NRF1: variants seen among roughly 807,000 people sequenced by gnomAD.
NRF1 encodes alpha palindromic-binding protein.
Under a neutral mutation model 58.5 loss-of-function variants are expected in NRF1, and 5 were observed. That is an observed-to-expected ratio of 0.09 (90% CI 0.04 to 0.18). The LOEUF is 0.18. Among genes scored for constraint, NRF1 ranks in the 10% least tolerant of loss-of-function variants. NRF1 has a pLI of 1.00. For missense variants in NRF1, 288 were observed against 657.7 expected, an observed-to-expected ratio of 0.44 and a Z score of 6.15; for synonymous variants, 224 against 246.7, an observed-to-expected ratio of 0.91 and a Z score of 0.86.
intron 10 of NRF1, among the ~76,000 whole-genome samples, chr7:129,739,211 A>G (rs780509728): frequency 6.6e-6 from 1 of 152,246 alleles, no homozygotes; most frequent in African/African-American, 2.4e-5. Flanking sequence ...AAAATGTAAA[A>G]GGTAGTTATT....
chr7:129,653,955 G>C (rs910366763), intron 1 of NRF1, among the ~76,000 whole-genome samples: 1 of 152,200 alleles, frequency 6.6e-6, no homozygotes, highest in African/African-American at 2.4e-5. Context: ...TTTTTATGTG[G>C]ATGTAAGTTT....
chr7:129,682,410 A>G (rs1395437334), intron 4 of NRF1, among the ~76,000 whole-genome samples: 3 of 151,548 alleles, frequency 2.0e-5, no homozygotes, highest in Non-Finnish European at 2.9e-5. Context: ...GTGAGCTGTG[A>G]TTGCACCACT....
At chr7:129,691,361 A>AT (rs752895743) in intron 5 of NRF1, among the ~76,000 whole-genome samples, 21,153 of 89,466 alleles carry the variant, frequency 0.24, 1,736 homozygotes, top group Non-Finnish European at 0.27. Context: ...TATTATTATT[A>AT]TTATTTTTTT....
chr7:129,639,222 G>A (rs962807667), intron 1 of NRF1, among the ~76,000 whole-genome samples: 18 of 151,836 alleles, frequency 1.2e-4, no homozygotes, highest in Non-Finnish European at 2.1e-4. Context: ...ACCATGCCTG[G>A]CTAATTATTG....
chr7:129,626,336 T>C (rs1337950630), intron 1 of NRF1, among the ~76,000 whole-genome samples: 1 of 152,196 alleles, frequency 6.6e-6, no homozygotes, highest in Non-Finnish European at 1.5e-5. Context: ...AAGTACAGGC[T>C]GCAGTGGCTC....
rs946858724 is a variant in NRF1, at chr7:129,625,186, C to T, written c.-7+13362C>T. Among the ~76,000 whole-genome samples the T allele has an allele frequency of 2.6e-5, 4 of 152,234 alleles. No individual in the cohort carries two copies. The East Asian group carries it at 7.7e-4, about 29-fold the overall frequency. ...GTTTCTGCCTCCATGGTCTCATTGT[C>T]TCCTCTCCGTGTAATCTCTATCTGC... On this transcript the variant is annotated intron_variant, in intron 1 of 10. Transcript: ENST00000393232.
intron 3 of NRF1, among the ~76,000 whole-genome samples, chr7:129,675,145 A>G (rs1802147463): frequency 6.6e-6 from 1 of 152,188 alleles, no homozygotes; most frequent in Non-Finnish European, 1.5e-5. Context: ...TTCTTTGCTC[A>G]TCAATAAGAA....
At position 129,745,151 on chromosome 7, in the gene NRF1, C is replaced by G. The variant is rs1803942962; in HGVS notation, c.1349-9867C>G. 1.3e-5 allele frequency among the ~76,000 whole-genome samples: 2 copies of G among 152,214 alleles called. 1 individual carries two copies. On this transcript the variant is annotated intron_variant, in intron 10 of 10. Coordinates refer to ENST00000393232, the MANE Select transcript of NRF1 (RefSeq NM_005011.5). ...ACTTTCTTCTTCTGAGGTTTGTCAT[C>G]TGGGCTCCACTTTCCATTTTAAAAT...
intron 9 of NRF1, among the ~76,000 whole-genome samples, chr7:129,720,120 G>A (rs1163695143): frequency 1.3e-5 from 2 of 152,206 alleles, no homozygotes; most frequent in African/African-American, 4.8e-5. Flanking sequence ...CTGTGGCATA[G>A]AGGAGGAATA....
At chr7:129,617,456 A>G (rs1033967413) in intron 1 of NRF1, among the ~76,000 whole-genome samples, 2 of 152,166 alleles carry the variant, frequency 1.3e-5, no homozygotes, top group African/African-American at 4.8e-5. Context: ...TTCTTGTTTT[A>G]TGTTCAAAGG....
At position 129,717,270 on chromosome 7, in the gene NRF1, A is replaced by G; in HGVS notation, c.1117A>G (p.Thr373Ala). 2 of 1,613,918 alleles carry G rather than the reference A, an allele frequency of 1.2e-6. No individual in the cohort carries two copies. The highest frequency in any genetic ancestry group is 1.7e-6 in the Non-Finnish European group (2 of 1,179,912). The change falls in exon 9 of 11, where the codon ACG becomes GCG. Residue 373 changes from threonine (T) to alanine (A), a missense_variant. Physicochemically the swap from Thr to Ala is moderately conservative, Grantham distance 58. Transcript: ENST00000393232. ...GGGAGGTGAGATGACCATCCAGACG[A>G]CGCAAGCATCAGAGGCCACCCAGGC... The part of the protein sequence containing the change: ...LQGGEMTIQT[T>A]QASEATQAVA...
In NRF1 at chr7:129,756,654, C is replaced by T. The variant is rs1431172066; in HGVS notation, c.*1473C>T. On this transcript the variant is annotated 3_prime_UTR_variant, in exon 11 of 11. Coordinates refer to ENST00000393232, the MANE Select transcript of NRF1 (RefSeq NM_005011.5). Reference sequence around the variant, plus strand: ...CTCCTCCTCCCTCCTCCCAGCTCTCCCCATGTGTGTGATGGTGTATTTAAT... The same window carrying T: ...CTCCTCCTCCCTCCTCCCAGCTCTCTCCATGTGTGTGATGGTGTATTTAAT... 1 of 152,640 alleles carries T rather than the reference C, an allele frequency of 6.6e-6. No homozygotes were observed. Among genetic ancestry groups the T allele is most frequent in the Admixed American group, 6.5e-5 (1 of 15,280 alleles). 9.5% of individuals were successfully genotyped at this position (152,640 alleles called of 1,614,324 possible).
At chr7:129,634,061 T>TATATATAC (rs764569771) in intron 1 of NRF1, among the ~76,000 whole-genome samples, 1 of 131,460 alleles carries the variant, frequency 7.6e-6, no homozygotes, top group African/African-American at 2.9e-5. Flanking sequence ...TATATATATA[T>TATATATAC]ACACACACAC....
chr7:129,648,719 T>A (rs1340922709), intron 1 of NRF1, among the ~76,000 whole-genome samples: 4 of 152,194 alleles, frequency 2.6e-5, no homozygotes, highest in Non-Finnish European at 4.4e-5. Context: ...AAGGATAGGA[T>A]ATTAATACTC....
intron 10 of NRF1, among the ~76,000 whole-genome samples, chr7:129,742,640 A>G (rs955006474): frequency 1.1e-4 from 17 of 152,352 alleles, no homozygotes; most frequent in Admixed American, 2.6e-4. Context: ...CCAGAAATCT[A>G]TATTTTAGGT....
In NRF1 at chr7:129,710,490, A is replaced by T. The variant is rs1803048689; in HGVS notation, c.882A>T (p.Thr294=). The T allele has an allele frequency of 1.2e-5, 19 of 1,610,842 alleles. No individual in the cohort carries two copies. The highest frequency in any genetic ancestry group is 1.5e-5 in the Non-Finnish European group (18 of 1,176,962). The change falls in exon 7 of 11, where the codon ACA becomes ACT. Residue 294 remains threonine, a synonymous_variant. Coordinates refer to ENST00000393232, the MANE Select transcript of NRF1 (RefSeq NM_005011.5). ...AAACGCAAACACAGGCCACAGCCAC[A>T]CATAGTATAGCTCATCTTGTACCAT... ...DQQTQTQATA[T]HSIAHLVPSQ...
chr7:129,755,241 A>G lies in NRF1; in HGVS notation c.*60A>G, dbSNP rs1169908885. ...ACTTCAAAATTTTTTACACGTTTGCAGAGGTGCAATCAAATGGAATTAAGT... is the reference window on the plus strand; with the variant it reads ...ACTTCAAAATTTTTTACACGTTTGCGGAGGTGCAATCAAATGGAATTAAGT... On this transcript the variant is annotated 3_prime_UTR_variant, in exon 11 of 11. Transcript: ENST00000393232. This position sits in a 1 kb window ranked among gnomAD's most constrained non-coding sequence, Gnocchi z 5.8. 19 of 1,405,476 alleles carry G rather than the reference A, an allele frequency of 1.4e-5. No homozygotes were observed. Among genetic ancestry groups the G allele is most frequent in the Non-Finnish European group, 1.6e-5 (17 of 1,054,300 alleles). 87.1% of individuals were successfully genotyped at this position (1,405,476 alleles called of 1,614,324 possible).
chr7:129,684,122 G>A (rs1802391061), intron 4 of NRF1, among the ~76,000 whole-genome samples: 1 of 151,968 alleles, frequency 6.6e-6, no homozygotes, highest in Admixed American at 6.6e-5. Flanking sequence ...GGTAGAAAGA[G>A]AATAATAAAA....
intron 1 of NRF1, among the ~76,000 whole-genome samples, chr7:129,640,459 A>T (rs929208637): frequency 1.3e-5 from 2 of 152,102 alleles, no homozygotes; most frequent in Non-Finnish European, 2.9e-5. Context: ...GCAGTGAGCC[A>T]TGATTGCACC....
Sources: gnomAD v4.1 joint callset for allele counts (sites outside exome capture counted in the v4.1 genomes callset) on GRCh38, gnomAD v4.1.1 for gene constraint, Gnocchi (gnomAD v3.1) non-coding constraint, MANE v1.5 for transcripts, NCBI Gene and HGNC (gene_info 2026-07-23, HGNC 2026-07-21) for gene names.